CDH13: variants seen among roughly 807,000 people sequenced by gnomAD.
CDH13 encodes the protein cadherin-13.
A neutral mutation model predicts 63.8 loss-of-function variants in CDH13; 24 were observed. That is an observed-to-expected ratio of 0.38 (90% CI 0.27 to 0.53). The LOEUF (loss-of-function observed/expected upper bound fraction) is 0.53, where lower values mean the gene tolerates loss of function less well. Ranked by LOEUF, CDH13 falls within the 20% of genes least tolerant of loss-of-function variation. The pLI is 0.85. For synonymous variants in CDH13, 503 were observed against 355.3 expected (o/e 1.42, Z -4.67); for missense variants, 1,049 against 903.1 (o/e 1.16, Z -2.07).
At chr16:83,098,751 A>C (rs1000027021) in intron 3 of CDH13, among the ~76,000 whole-genome samples, 1 of 152,158 alleles carries the variant, frequency 6.6e-6, no homozygotes, top group Non-Finnish European at 1.5e-5. Context: ...TCTGTGTGCC[A>C]TGTGTCTTCT....
chr16:83,353,297 G>A (rs1335172328), intron 6 of CDH13, among the ~76,000 whole-genome samples: 9 of 152,210 alleles, frequency 5.9e-5, no homozygotes, highest in Non-Finnish European at 8.8e-5. Context: ...ATCTCACACC[G>A]GCTCAGAACC....
In CDH13 at chr16:83,790,654, C is replaced by T. The variant is rs542172412; in HGVS notation, c.2135-4369C>T. On this transcript the variant is annotated intron_variant, in intron 13 of 13. Transcript: ENST00000567109. Reference sequence around the variant, plus strand: ...TCCCGACCTCGTGATCCGCCCGCCTCGGCCTCCCAAAGTGCTGGGATTACA... The same window carrying T: ...TCCCGACCTCGTGATCCGCCCGCCTTGGCCTCCCAAAGTGCTGGGATTACA... Among the ~76,000 whole-genome samples, 262 of 152,266 alleles carry T rather than the reference C, an allele frequency of 1.7e-3. 1 individual carries two copies. The highest frequency in any genetic ancestry group is 1.6e-3 in the Non-Finnish European group (112 of 68,020).
chr16:82,969,842 CTT>C (rs977162923), intron 2 of CDH13, among the ~76,000 whole-genome samples: 2 of 152,160 alleles, frequency 1.3e-5, no homozygotes, highest in Admixed American at 1.3e-4. Flanking sequence ...CTAGCAAACT[CTT>C]CTCTCCAGGA....
chr16:82,786,773 C>G (rs1213616778), intron 1 of CDH13, among the ~76,000 whole-genome samples: 1 of 151,704 alleles, frequency 6.6e-6, no homozygotes, highest in Non-Finnish European at 1.5e-5. Flanking sequence ...TCTGTCCTTG[C>G]AATCGTTTGC....
intron 2 of CDH13, among the ~76,000 whole-genome samples, chr16:82,939,529 C>A (rs551324552): frequency 1.3e-5 from 2 of 152,162 alleles, no homozygotes; most frequent in South Asian, 4.1e-4. Context: ...TGAATAATTA[C>A]GCACATACCT....
At chr16:82,913,863 C>T (rs986123965) in intron 2 of CDH13, among the ~76,000 whole-genome samples, 9 of 152,172 alleles carry the variant, frequency 5.9e-5, no homozygotes, top group East Asian at 1.9e-4. Context: ...GGTAACCACT[C>T]GGAGCACCTG....
intron 6 of CDH13, among the ~76,000 whole-genome samples, chr16:83,424,788 C>A (rs1400218848): frequency 6.6e-6 from 1 of 152,180 alleles, no homozygotes; most frequent in African/African-American, 2.4e-5. Flanking sequence ...GCCACTGTAT[C>A]AGTCAGAGAC....
At chr16:82,888,579 C>T (rs1011207634) in intron 2 of CDH13, among the ~76,000 whole-genome samples, 3 of 152,218 alleles carry the variant, frequency 2.0e-5, no homozygotes, top group African/African-American at 7.2e-5. Flanking sequence ...GAACTGTTCT[C>T]AGCCATTAAA....
chr16:83,507,865 C>G (rs1480498657), intron 7 of CDH13, among the ~76,000 whole-genome samples: 3 of 151,012 alleles, frequency 2.0e-5, no homozygotes, highest in South Asian at 4.2e-4. Flanking sequence ...AAACCCGTCT[C>G]TACTAAAGAT....
chr16:83,357,599 G>T (rs1471730160), intron 6 of CDH13, among the ~76,000 whole-genome samples: 1 of 152,128 alleles, frequency 6.6e-6, no homozygotes, highest in Non-Finnish European at 1.5e-5. Context: ...GACACTTTGG[G>T]TTCCACACTG....
intron 5 of CDH13, among the ~76,000 whole-genome samples, chr16:83,277,647 C>T (rs943259345): frequency 6.6e-6 from 1 of 152,130 alleles, no homozygotes; most frequent in Non-Finnish European, 1.5e-5. Context: ...TCCTGGTGTA[C>T]ATCATTGAAC....
At chr16:83,392,299 C>T (rs577945544) in intron 6 of CDH13, among the ~76,000 whole-genome samples, 1 of 152,280 alleles carries the variant, frequency 6.6e-6, no homozygotes, top group African/African-American at 2.4e-5. Context: ...CTTAAAGCCT[C>T]CTTAGCGCCG....
At chr16:83,417,901 A>G (rs896751370) in intron 6 of CDH13, among the ~76,000 whole-genome samples, 4 of 152,316 alleles carry the variant, frequency 2.6e-5, no homozygotes, top group South Asian at 4.1e-4. Context: ...AGAGAGAGAA[A>G]GAGAAATCAT....
intron 2 of CDH13, among the ~76,000 whole-genome samples, chr16:82,900,523 G>T (rs986132470): frequency 2.0e-5 from 3 of 152,116 alleles, no homozygotes; most frequent in African/African-American, 7.2e-5. Context: ...TTCAGAGGTG[G>T]GTAGAATTGA....
At chr16:83,530,985 C>T (rs1389534899) in intron 7 of CDH13, among the ~76,000 whole-genome samples, 2 of 152,194 alleles carry the variant, frequency 1.3e-5, no homozygotes, top group Admixed American at 6.5e-5. Flanking sequence ...TCCACTCCTC[C>T]ATTTCCTGTC....
intron 13 of CDH13, among the ~76,000 whole-genome samples, chr16:83,792,012 C>T (rs181488524): frequency 8.8e-4 from 134 of 152,342 alleles, no homozygotes; most frequent in African/African-American, 3.1e-3. Context: ...ATCCCCTTTC[C>T]GCAATCCAGG....
rs374896633 is a variant in CDH13 at position 82,858,419 on chromosome 16, G to C, written c.103G>C (p.Val35Leu). ...CTGCACTCCTGGATTTCAGCAGAAAGTGTTCCATATCAATCAGCCAGCTGA... is the reference window on the plus strand; with the variant it reads ...CTGCACTCCTGGATTTCAGCAGAAACTGTTCCATATCAATCAGCCAGCTGA... ...LDCTPGFQQK[V>L]FHINQPAEFI... The change falls in exon 2 of 14, where the codon GTG becomes CTG. Residue 35 changes from valine to leucine, a missense_variant. Transcript: ENST00000567109. 2.3e-5 allele frequency: 37 copies of C among 1,613,786 alleles called. 1 individual carries two copies. The highest frequency in any genetic ancestry group is 1.6e-4 in the Middle Eastern group (1 of 6,084).
At chr16:82,920,078 C>G (rs1229476164) in intron 2 of CDH13, among the ~76,000 whole-genome samples, 1 of 152,144 alleles carries the variant, frequency 6.6e-6, no homozygotes, top group Non-Finnish European at 1.5e-5. Context: ...ATCAAAGTGG[C>G]TGAAGCAAAA....
At chr16:82,985,893 C>T (rs1910874284) in intron 2 of CDH13, among the ~76,000 whole-genome samples, 1 of 152,078 alleles carries the variant, frequency 6.6e-6, no homozygotes, top group African/African-American at 2.4e-5. Context: ...CTCTGTCTTG[C>T]ACCTGCTCTG....
Sources: gnomAD v4.1 joint callset for allele counts (sites outside exome capture counted in the v4.1 genomes callset) on GRCh38, gnomAD v4.1.1 for gene constraint, MANE v1.5 for transcripts, NCBI Gene and HGNC (gene_info 2026-07-23, HGNC 2026-07-21) for gene names.